Variants in BBX observed in about 807,000 individuals in gnomAD.
The protein encoded by BBX is BBX high mobility group box domain containing, also known as HMG box transcription factor BBX.
A neutral mutation model predicts 100.2 loss-of-function variants in BBX; 30 were observed. The observed-to-expected ratio is 0.30, with a 90% CI of 0.22 to 0.41. BBX has a LOEUF of 0.41. BBX is among the 10% of genes least tolerant of loss of function. The pLI is 1.00. For missense variants in BBX, 1,023 were observed against 1,129.8 expected (o/e 0.91, Z 1.35); for synonymous variants, 376 against 388.1 (o/e 0.97, Z 0.37).
chr3:107,685,854 C>T (rs6789529), intron 3 of BBX, among the ~76,000 whole-genome samples: 42,892 of 152,064 alleles, frequency 0.28, 7,517 homozygotes, highest in East Asian at 0.92. Context: ...GATATTCTTT[C>T]CTTTGAGAAT....
At chr3:107,795,141 G>A (rs1054055581) in intron 15 of BBX, among the ~76,000 whole-genome samples, 3 of 152,128 alleles carry the variant, frequency 2.0e-5, no homozygotes, top group Non-Finnish European at 2.9e-5. Flanking sequence ...GCGGGTTGTC[G>A]GGAGGAACTA....
At chr3:107,650,543 T>G (rs1307437293) in intron 3 of BBX, among the ~76,000 whole-genome samples, 1 of 152,216 alleles carries the variant, frequency 6.6e-6, no homozygotes, top group Non-Finnish European at 1.5e-5. Flanking sequence ...GTAATATCTT[T>G]TATGATTCAA....
Position 107,716,741 on chromosome 3 carries a change from TCAGGAACACCC to T in BBX, c.302_312del (p.Glu101AlafsTer2). On this transcript the variant is annotated frameshift_variant, in exon 5 of 18. Coordinates refer to ENST00000325805, the MANE Select transcript of BBX (RefSeq NM_001142568.3). LOFTEE classifies it high-confidence loss of function. ...GCAAACGCCATCGCTCTCTTGTACGTCAGGAACACCCCAGGCTTGATAACCGAGGTGCTACC... is the reference window on the plus strand; with the variant it reads ...GCAAACGCCATCGCTCTCTTGTACGTCAGGCTTGATAACCGAGGTGCTACC... 1 of 1,613,810 alleles carries T rather than the reference TCAGGAACACCC, an allele frequency of 6.2e-7. No individual in the cohort carries two copies. Among genetic ancestry groups the T allele is most frequent in the Non-Finnish European group, 8.5e-7 (1 of 1,179,774 alleles).
intron 2 of BBX, among the ~76,000 whole-genome samples, chr3:107,593,340 T>C (rs1433495892): frequency 6.6e-6 from 1 of 152,190 alleles, no homozygotes; most frequent in Non-Finnish European, 1.5e-5. Flanking sequence ...GGAGGCTTCC[T>C]TTTTATTTTC....
chr3:107,570,241 A>G (rs2051250570), intron 2 of BBX, among the ~76,000 whole-genome samples: 1 of 152,214 alleles, frequency 6.6e-6, no homozygotes, highest in African/African-American at 2.4e-5. Flanking sequence ...ATACGTTGCT[A>G]CTTGGCTGCC....
At chr3:107,765,648 A>T (rs78725897) in intron 10 of BBX, among the ~76,000 whole-genome samples, 3,769 of 152,114 alleles carry the variant, frequency 0.025, 143 homozygotes, top group African/African-American at 0.084. Context: ...CCAGTACATC[A>T]CTGTCAGACC....
chr3:107,613,023 A>T (rs897689457), intron 2 of BBX, among the ~76,000 whole-genome samples: 1 of 151,988 alleles, frequency 6.6e-6, no homozygotes, highest in African/African-American at 2.4e-5. Flanking sequence ...AGTGTCCACA[A>T]CCACCACCAC....
At chr3:107,782,786 A>C (rs1178025281) in intron 13 of BBX, among the ~76,000 whole-genome samples, 2 of 152,022 alleles carry the variant, frequency 1.3e-5, no homozygotes, top group East Asian at 1.9e-4. Context: ...CTGCCCAAAA[A>C]CTTAAGTGGA....
intron 10 of BBX, among the ~76,000 whole-genome samples, chr3:107,762,378 G>A (rs1241995909): frequency 6.6e-6 from 1 of 152,208 alleles, no homozygotes; most frequent in African/African-American, 2.4e-5. Context: ...CCAGATTTTA[G>A]TGTTGAGAGA....
At position 107,773,575 on chromosome 3, in the gene BBX, T is replaced by C; in HGVS notation, c.1854T>C (p.Ala618=). ...SRKSERSCKG[A]LYKTLVSEGM... ...AATCCGAGAGGTCTTGCAAAGGTGC[T>C]CTTTATAAAACCCTGGTGTCTGAGG... Residue 618 remains alanine, a synonymous_variant, in exon 11 of 18, where the codon GCT becomes GCC. Coordinates refer to ENST00000325805, the MANE Select transcript of BBX (RefSeq NM_001142568.3). This position sits in a 1 kb window ranked among gnomAD's most constrained non-coding sequence, Gnocchi z 4.1. 6.2e-7 allele frequency: 1 copy of C among 1,613,954 alleles called. No homozygotes were observed. The highest frequency in any genetic ancestry group is 8.5e-7 in the Non-Finnish European group (1 of 1,179,934).
At chr3:107,752,257 G>GT (rs371631762) in intron 9 of BBX, among the ~76,000 whole-genome samples, 63 of 152,164 alleles carry the variant, frequency 4.1e-4, no homozygotes, top group African/African-American at 1.3e-3. Context: ...TAAGCAATAG[G>GT]TACAAATTTA....
intron 3 of BBX, among the ~76,000 whole-genome samples, chr3:107,708,734 G>T (rs2107285876): frequency 6.6e-6 from 1 of 151,050 alleles, no homozygotes; most frequent in African/African-American, 2.4e-5. Flanking sequence ...TTTAGAAAAT[G>T]ATTTTATTAA....
intron 7 of BBX, among the ~76,000 whole-genome samples, chr3:107,742,679 C>A (rs564642181): frequency 6.6e-6 from 1 of 152,258 alleles, no homozygotes; most frequent in African/African-American, 2.4e-5. Flanking sequence ...AATAGATATT[C>A]ATTGTGCCAC....
At chr3:107,523,259 T>C (rs998969361) in intron 1 of BBX, among the ~76,000 whole-genome samples, 152 bp downstream of exon 1, 1 of 150,654 alleles carries the variant, frequency 6.6e-6, no homozygotes, top group Non-Finnish European at 1.5e-5. Context: ...GCCGGTAGGG[T>C]GGACTTGAGG....
chr3:107,687,369 G>C (rs1352393130), intron 3 of BBX, among the ~76,000 whole-genome samples: 3 of 150,510 alleles, frequency 2.0e-5, no homozygotes, highest in African/African-American at 7.3e-5. Flanking sequence ...AAGGCTCTGT[G>C]AAGGCCCGCA....
At chr3:107,796,534 G>A (rs1226672657) in intron 15 of BBX, among the ~76,000 whole-genome samples, 3 of 152,138 alleles carry the variant, frequency 2.0e-5, no homozygotes, top group African/African-American at 7.2e-5. Flanking sequence ...TAAGAAATTC[G>A]AAATCTCGAA....
intron 2 of BBX, among the ~76,000 whole-genome samples, chr3:107,570,735 G>A (rs2051291459): frequency 6.6e-6 from 1 of 152,072 alleles, no homozygotes; most frequent in Admixed American, 6.5e-5. Context: ...GAGCAGCTTG[G>A]GGAGGAGGGG....
intron 2 of BBX, among the ~76,000 whole-genome samples, chr3:107,540,989 T>C (rs1218931630): frequency 1.3e-5 from 2 of 152,192 alleles, no homozygotes; most frequent in Non-Finnish European, 2.9e-5. Context: ...ATCATCAGAG[T>C]TGGGGAGAAC....
chr3:107,776,549 C>T (rs934130372), intron 12 of BBX, among the ~76,000 whole-genome samples: 14 of 152,112 alleles, frequency 9.2e-5, no homozygotes, highest in African/African-American at 3.1e-4. Flanking sequence ...AATACTTAAG[C>T]AGGGAGAAAT....
Sources: gnomAD v4.1 joint callset for allele counts (sites outside exome capture counted in the v4.1 genomes callset) on GRCh38, gnomAD v4.1.1 for gene constraint, Gnocchi (gnomAD v3.1) non-coding constraint, MANE v1.5 for transcripts, NCBI Gene and HGNC (gene_info 2026-07-23, HGNC 2026-07-21) for gene names.